FNIP1: variants seen among roughly 807,000 people sequenced by gnomAD.
The protein encoded by FNIP1 is folliculin-interacting protein 1.
In FNIP1, 40 loss-of-function variants were observed where a neutral mutation model predicts 124.5. That is an observed-to-expected ratio of 0.32 (90% confidence interval 0.25 to 0.42). The LOEUF (loss-of-function observed/expected upper bound fraction) is 0.42, where lower values mean the gene tolerates loss of function less well. Among genes scored for constraint, FNIP1 ranks in the 10% least tolerant of loss-of-function variants. The probability of loss-of-function intolerance (pLI) is 1.00; values close to 1 mark genes in which losing one functional copy is unlikely to be tolerated. For synonymous variants in FNIP1, 472 were observed against 470.6 expected (o/e 1.00, Z -0.04); for missense variants, 1,176 against 1,403.7 (o/e 0.84, Z 2.59).
rs1341293014 is a variant in FNIP1 at position 131,643,780 on chromosome 5, T to G, written c.*905A>C. On this transcript the variant is annotated 3_prime_UTR_variant, in exon 18 of 18. Coordinates refer to ENST00000510461, the MANE Select transcript of FNIP1 (RefSeq NM_133372.3). ...AAGGGCCTTGGCTACCTGAGCACTTTTAAAGAATATAGTATTGTTTTTGCC... is the reference window on the plus strand; with the variant it reads ...AAGGGCCTTGGCTACCTGAGCACTTGTAAAGAATATAGTATTGTTTTTGCC... 1 of 152,664 alleles carries G rather than the reference T, an allele frequency of 6.6e-6. No homozygotes were observed. Among genetic ancestry groups the G allele is most frequent in the Non-Finnish European group, 1.5e-5 (1 of 68,006 alleles). 9.5% of individuals were successfully genotyped at this position (152,664 alleles called of 1,614,324 possible). A position where few individuals can be genotyped will look rare whatever the true frequency, so the allele number is the denominator to read the frequency against.
chr5:131,679,129 C>A lies in FNIP1; in HGVS notation c.1249G>T (p.Val417Phe). The change falls in exon 12 of 18, where the codon GTC becomes TTC. Residue 417 changes from valine to phenylalanine, a missense_variant. By Grantham distance (50) the Val-to-Phe change is conservative. This residue lies in a region of FNIP1 where 1,109 missense variants were observed against 1,288.5 expected (regional missense o/e 0.86). Coordinates refer to ENST00000510461, the MANE Select transcript of FNIP1 (RefSeq NM_133372.3). ...LYTMPRIGEP[V>F]WLTMMSGTPE... ...GTCCCCGACATCATTGTAAGCCAGA[C>A]AGGTTCTCCAATTCGTGGCATCGTG... The A allele has an allele frequency of 6.2e-7, 1 of 1,602,686 alleles. No individual in the cohort carries two copies. Among genetic ancestry groups the A allele is most frequent in the South Asian group, 1.1e-5 (1 of 90,548 alleles).
Position 131,644,567 on chromosome 5 carries a change from G to A in FNIP1, c.*118C>T. 1.2e-6 allele frequency: 1 copy of A among 811,146 alleles called. No homozygotes were observed. 50.2% of individuals were successfully genotyped at this position (811,146 alleles called of 1,614,324 possible). A position where few individuals can be genotyped will look rare whatever the true frequency, so the allele number is the denominator to read the frequency against. On this transcript the variant is annotated 3_prime_UTR_variant, in exon 18 of 18. Coordinates refer to ENST00000510461, the MANE Select transcript of FNIP1 (RefSeq NM_133372.3). ...ACAATGCTATGCAGAATACCCTGGT[G>A]ACTGACTCATTCAGATGGAAGTCTA...
At chr5:131,683,365 G>A (rs558761147) in intron 11 of FNIP1, among the ~76,000 whole-genome samples, 6 of 151,862 alleles carry the variant, frequency 4.0e-5, no homozygotes, top group African/African-American at 9.7e-5. Context: ...TGGCTAACAC[G>A]GAGAAACCCT....
intron 1 of FNIP1, among the ~76,000 whole-genome samples, chr5:131,753,779 T>C (rs943737528): frequency 6.6e-6 from 1 of 152,086 alleles, no homozygotes; most frequent in African/African-American, 2.4e-5. Flanking sequence ...ACTATATTCA[T>C]CAAGTTACAT....
At chr5:131,648,839 C>G (rs776059333) in intron 16 of FNIP1, among the ~76,000 whole-genome samples, 1 of 152,186 alleles carries the variant, frequency 6.6e-6, no homozygotes, top group Non-Finnish European at 1.5e-5. Context: ...CCCCTGGTAA[C>G]CACTATTTTA....
chr5:131,718,640 C>T (rs1374583390), intron 5 of FNIP1, among the ~76,000 whole-genome samples: 1 of 152,078 alleles, frequency 6.6e-6, no homozygotes, highest in African/African-American at 2.4e-5. Context: ...GGGTTAATTT[C>T]GTAGGGGATC....
intron 15 of FNIP1, among the ~76,000 whole-genome samples, chr5:131,667,147 C>G (rs1767626893): frequency 6.6e-6 from 1 of 152,228 alleles, no homozygotes; most frequent in African/African-American, 2.4e-5. Flanking sequence ...GTATCTTCCT[C>G]AGGCACTACT....
At chr5:131,719,474 A>G in intron 3 of FNIP1, 57 bp from the exon 4 acceptor site, 1 of 1,464,150 alleles carries the variant, frequency 6.8e-7, no homozygotes, top group South Asian at 1.2e-5. Flanking sequence ...TGACTATTTC[A>G]TATGTTGATT....
chr5:131,683,161 A>T lies in FNIP1; in HGVS notation c.1203-3986T>A, dbSNP rs148659810. ...AATAATCCCTTAATTTAAGAAGTAC[A>T]TTTATCTCTTGGTGTCTTCAGGGGA... On this transcript the variant is annotated intron_variant, in intron 11 of 17. Coordinates refer to ENST00000510461, the MANE Select transcript of FNIP1 (RefSeq NM_133372.3). Among the ~76,000 whole-genome samples, 553 of 152,226 alleles carry T rather than the reference A, an allele frequency of 3.6e-3. 2 individuals carry two copies. The highest frequency in any genetic ancestry group is 0.013 in the African/African-American group (520 of 41,526).
At chr5:131,740,130 C>T (rs890651650) in intron 2 of FNIP1, among the ~76,000 whole-genome samples, 7 of 152,156 alleles carry the variant, frequency 4.6e-5, no homozygotes, top group Non-Finnish European at 7.3e-5. Flanking sequence ...TACGTTTTTA[C>T]GTCCCTTAAG....
rs549011031 is a variant in FNIP1, at chr5:131,790,302, A to G, written c.92+6528T>C. Among the ~76,000 whole-genome samples the G allele has an allele frequency of 1.4e-4, 21 of 152,230 alleles. No individual in the cohort carries two copies. The East Asian group carries it at 3.9e-3, about 28-fold the overall frequency. On this transcript the variant is annotated intron_variant, in intron 1 of 17. Transcript: ENST00000510461. ...TATACTGGCCTGGGCAACGTGGCGA[A>G]ACCCCGTGTCTACAAAAAATAAAAA...
chr5:131,656,603 A>C (rs142301059), intron 15 of FNIP1, among the ~76,000 whole-genome samples: 1 of 152,278 alleles, frequency 6.6e-6, no homozygotes, highest in East Asian at 1.9e-4. Flanking sequence ...TGGTTTGATA[A>C]TTTTAGAAAG....
chr5:131,715,356 C>T (rs1242042077), intron 6 of FNIP1, among the ~76,000 whole-genome samples: 5 of 152,100 alleles, frequency 3.3e-5, no homozygotes, highest in East Asian at 3.9e-4. Context: ...TGTGATGGCG[C>T]GTGCCTGCAG....
intron 1 of FNIP1, among the ~76,000 whole-genome samples, chr5:131,792,482 G>C (rs1445806142): frequency 3.9e-5 from 6 of 152,176 alleles, no homozygotes; most frequent in Admixed American, 1.3e-4. Flanking sequence ...TTTTTAAAAA[G>C]TGACATATTG....
rs79252507 is a variant in FNIP1, at chr5:131,661,764, C to T, written c.3108+8699G>A. Among the ~76,000 whole-genome samples, 1,130 of 152,202 alleles carry T rather than the reference C, an allele frequency of 7.4e-3. 15 individuals carry two copies. The highest frequency in any genetic ancestry group is 0.026 in the African/African-American group (1,097 of 41,516). ...AGGGAAAGGGAAATCAGAAACCTGC[C>T]GTGCCAACAAAAGGTAAGAATTTCT... On this transcript the variant is annotated intron_variant, in intron 15 of 17. Coordinates refer to ENST00000510461, the MANE Select transcript of FNIP1 (RefSeq NM_133372.3).
chr5:131,785,090 GAT>G (rs1338135774), intron 1 of FNIP1, among the ~76,000 whole-genome samples: 9 of 17,072 alleles, frequency 5.3e-4, no homozygotes, highest in Non-Finnish European at 1.4e-3. Context: ...ATATATATAT[GAT>G]ATATATGACT....
intron 1 of FNIP1, among the ~76,000 whole-genome samples, chr5:131,783,913 A>C (rs1441622450): frequency 3.3e-5 from 5 of 152,050 alleles, no homozygotes; most frequent in Non-Finnish European, 7.4e-5. Context: ...TTTCATTCTC[A>C]GGAAACTCCT....
intron 1 of FNIP1, among the ~76,000 whole-genome samples, chr5:131,766,419 G>A (rs1468795820): frequency 6.6e-6 from 1 of 151,994 alleles, no homozygotes; most frequent in East Asian, 1.9e-4. Context: ...AATTTCCCCG[G>A]TCCCAATCTA....
chr5:131,773,814 G>T (rs964488067), intron 1 of FNIP1, among the ~76,000 whole-genome samples: 1 of 152,026 alleles, frequency 6.6e-6, no homozygotes, highest in African/African-American at 2.4e-5. Flanking sequence ...ATAAGAAGAG[G>T]TTTGTGTATA....
Sources: gnomAD v4.1 joint callset for allele counts (sites outside exome capture counted in the v4.1 genomes callset) on GRCh38, gnomAD v4.1.1 for gene constraint, gnomAD v4.1.1 regional missense constraint, MANE v1.5 for transcripts, NCBI Gene and HGNC (gene_info 2026-07-23, HGNC 2026-07-21) for gene names.